ATP6V0E2: variants seen among roughly 807,000 people sequenced by gnomAD.
ATP6V0E2 encodes ATPase H+ transporting V0 subunit e2.
ATP6V0E2 carries 4 observed loss-of-function variants against 11.5 expected under a neutral mutation model. That is an observed-to-expected ratio of 0.35 (90% CI 0.17 to 0.80). The LOEUF (loss-of-function observed/expected upper bound fraction) is 0.80. Ranked by LOEUF, ATP6V0E2 falls within the 30% of genes least tolerant of loss-of-function variation. ATP6V0E2 has a pLI of 0.53. For missense variants in ATP6V0E2, 93 were observed against 113.5 expected (o/e 0.82, Z 0.82); for synonymous variants, 52 against 51.0 (o/e 1.02, Z -0.09).
rs1802986505 is a variant in ATP6V0E2 at position 149,874,091 on chromosome 7, C to G, written c.26C>G (p.Pro9Arg). 6.5e-7 allele frequency: 1 copy of G among 1,550,036 alleles called. No homozygotes were observed. Among genetic ancestry groups the G allele is most frequent in the Non-Finnish European group, 8.7e-7 (1 of 1,146,646 alleles). Residue 9 changes from proline (P) to arginine (R), a missense_variant, in exon 1 of 4, where the codon CCG (proline) becomes CGG (arginine). Physicochemically the swap from Pro to Arg is moderately radical, Grantham distance 103. Coordinates refer to ENST00000425642, the MANE Select transcript of ATP6V0E2 (RefSeq NM_145230.4). Reference protein sequence around the residue: MTAHSFALPVIIFTTFWGL... With the variant: MTAHSFALRVIIFTTFWGL... ...ATGACGGCGCACTCATTCGCCCTCC[C>G]GGTCATCATCTTCACCACGTTCTGG...
Position 149,874,136 on chromosome 7 carries a change from G to A in ATP6V0E2, c.71G>A (p.Gly24Glu). ...TTFWGLVGIA[G>E]PWFVPKGPNR... is the part of the protein sequence containing the mutation. ...TTCTGGGGCCTCGTCGGCATCGCCGGGCCCTGGTTCGTGCCGAAGGGACCC... is the reference window on the plus strand; with the variant it reads ...TTCTGGGGCCTCGTCGGCATCGCCGAGCCCTGGTTCGTGCCGAAGGGACCC... The change falls in exon 1 of 4, where the codon GGG becomes GAG. Residue 24 changes from glycine (G) to glutamate (E), a missense_variant. By Grantham distance (98) the Gly-to-Glu change is moderately conservative. Coordinates refer to ENST00000425642, the MANE Select transcript of ATP6V0E2 (RefSeq NM_145230.4). The A allele has an allele frequency of 6.5e-7, 1 of 1,549,814 alleles. No individual in the cohort carries two copies. Among genetic ancestry groups the A allele is most frequent in the Non-Finnish European group, 8.7e-7 (1 of 1,146,538 alleles).
chr7:149,878,168 A>C (rs1803251413), intron 2 of ATP6V0E2, among the ~76,000 whole-genome samples: 1 of 152,198 alleles, frequency 6.6e-6, no homozygotes, highest in Non-Finnish European at 1.5e-5. Context: ...CAGGTCCCTG[A>C]GGGTTTTCTG....
chr7:149,874,001 G>T lies in ATP6V0E2; in HGVS notation c.-65G>T, dbSNP rs1802975746. Reference sequence around the variant, plus strand: ...ATGCTCAGCGCGCTGCCCGGCTGGGGACCCGCGCACCTGCAGCGCCCGCTG... The same window carrying T: ...ATGCTCAGCGCGCTGCCCGGCTGGGTACCCGCGCACCTGCAGCGCCCGCTG... On this transcript the variant is annotated 5_prime_UTR_variant, in exon 1 of 4. Coordinates refer to ENST00000425642, the MANE Select transcript of ATP6V0E2 (RefSeq NM_145230.4). 4 of 1,545,712 alleles carry T rather than the reference G, an allele frequency of 2.6e-6. No individual in the cohort carries two copies. Among genetic ancestry groups the T allele is most frequent in the Non-Finnish European group, 1.7e-6 (2 of 1,145,692 alleles).
rs7799802 is a variant in ATP6V0E2 at position 149,880,241 on chromosome 7, G to A, written c.*926G>A. 10,776 of 153,230 alleles carry A rather than the reference G, an allele frequency of 0.07. 620 individuals carry two copies. The highest frequency in any genetic ancestry group is 0.16 in the African/African-American group (6,797 of 41,574). The allele number at this position is 153,230 out of a possible 1,614,324, so 9.5% of individuals were successfully genotyped here. On this transcript the variant is annotated 3_prime_UTR_variant, in exon 4 of 4. Transcript: ENST00000425642. Reference sequence around the variant, plus strand: ...CCCTGGCCCTGGGCTCTGTGCTAGGGATGGTGAAGAATGGGGGCGTGCCAG... The same window carrying A: ...CCCTGGCCCTGGGCTCTGTGCTAGGAATGGTGAAGAATGGGGGCGTGCCAG...
rs376165457 is a variant in ATP6V0E2 at position 149,879,005 on chromosome 7, T to G, written c.*19+215T>G. 163 of 167,288 alleles carry G rather than the reference T, an allele frequency of 9.7e-4. 1 individual carries two copies. The highest frequency in any genetic ancestry group is 1.8e-3 in the South Asian group (19 of 10,356). The allele number at this position is 167,288 out of a possible 1,614,324, so 10.4% of individuals were successfully genotyped here. On this transcript the variant is annotated intron_variant, in intron 3 of 3. Transcript: ENST00000425642. ...CTTCTGGGTTTGGTTTTGATTTCATTTGGTTAGAGTTCTTGTTGGGATTCA... is the reference window on the plus strand; with the variant it reads ...CTTCTGGGTTTGGTTTTGATTTCATGTGGTTAGAGTTCTTGTTGGGATTCA...
intron 1 of ATP6V0E2, 47 bp from the exon 2 acceptor site, chr7:149,875,551 G>T: frequency 6.2e-7 from 1 of 1,605,660 alleles, no homozygotes. Context: ...CAGGCCTTGT[G>T]AGGTGCTGGC....
chr7:149,878,421 C>A (rs1563137816), intron 2 of ATP6V0E2, among the ~76,000 whole-genome samples: 1 of 152,134 alleles, frequency 6.6e-6, no homozygotes, highest in Non-Finnish European at 1.5e-5. Context: ...CTTCTCTAAC[C>A]CCAGGTTCAG....
chr7:149,873,712 G>A, upstream of ATP6V0E2: 1 of 628,608 alleles, frequency 1.6e-6, no homozygotes, highest in East Asian at 3.3e-5. Flanking sequence ...GGGACCCCAA[G>A]CTCCAGGGGT....
intron 2 of ATP6V0E2, 80 bp downstream of exon 2, chr7:149,875,725 C>T (rs1224482883): frequency 8.7e-6 from 12 of 1,385,242 alleles, no homozygotes; most frequent in Non-Finnish European, 1.2e-5. Flanking sequence ...GCCTGCTCTT[C>T]CTTCTGTCCT....
In ATP6V0E2 at chr7:149,879,371, C is replaced by A; in HGVS notation, c.*56C>A. On this transcript the variant is annotated 3_prime_UTR_variant, in exon 4 of 4. Coordinates refer to ENST00000425642, the MANE Select transcript of ATP6V0E2 (RefSeq NM_145230.4). ...TCGGAATGACTGTGGCTCCACTGTC[C>A]CTGACAACCCCTTCGTCCGGACCCT... The A allele has an allele frequency of 1.3e-6, 2 of 1,576,448 alleles. No individual in the cohort carries two copies. The highest frequency in any genetic ancestry group is 1.7e-6 in the Non-Finnish European group (2 of 1,161,284).
chr7:149,878,021 G>A (rs963125077), intron 2 of ATP6V0E2, among the ~76,000 whole-genome samples: 1 of 152,320 alleles, frequency 6.6e-6, no homozygotes, highest in South Asian at 2.1e-4. Context: ...GGATGTGGTC[G>A]TGGGGGGCCC....
upstream of ATP6V0E2, chr7:149,873,933 C>T: frequency 6.5e-7 from 1 of 1,531,708 alleles, no homozygotes. Flanking sequence ...GCGTGCGCGG[C>T]CCGGCCCGGC....
intron 2 of ATP6V0E2, chr7:149,876,108 C>T (rs1286203362): frequency 2.0e-5 from 9 of 456,594 alleles, no homozygotes; most frequent in East Asian, 1.4e-4. Context: ...CCAGACGTGG[C>T]GGCTCACGCC....
At position 149,879,508 on chromosome 7, in the gene ATP6V0E2, G is replaced by T; in HGVS notation, c.*193G>T. 6.3e-7 allele frequency: 1 copy of T among 1,589,086 alleles called. No individual in the cohort carries two copies. Among genetic ancestry groups the T allele is most frequent in the Non-Finnish European group, 8.6e-7 (1 of 1,167,920 alleles). The stretch of plus-strand genomic sequence containing the variant: ...TCTTCCCAGTCTTCCCAGCCAGCCC[G>T]GGCCCTGGGGAGCCCTGGGCACAGC... On this transcript the variant is annotated 3_prime_UTR_variant, in exon 4 of 4. Coordinates refer to ENST00000425642, the MANE Select transcript of ATP6V0E2 (RefSeq NM_145230.4).
In ATP6V0E2 at chr7:149,873,975, C is replaced by G; in HGVS notation, c.-91C>G. On this transcript the variant is annotated 5_prime_UTR_variant, in exon 1 of 4. Transcript: ENST00000425642. ...CTTCGGGTGCTCGACTCCTGTTGCGCATGCTCAGCGCGCTGCCCGGCTGGG... is the reference window on the plus strand; with the variant it reads ...CTTCGGGTGCTCGACTCCTGTTGCGGATGCTCAGCGCGCTGCCCGGCTGGG... The G allele has an allele frequency of 1.3e-6, 2 of 1,545,690 alleles. No homozygotes were observed. The highest frequency in any genetic ancestry group is 1.7e-6 in the Non-Finnish European group (2 of 1,146,884).
intron 2 of ATP6V0E2, among the ~76,000 whole-genome samples, chr7:149,877,375 T>C (rs929079494): frequency 6.6e-6 from 1 of 152,068 alleles, no homozygotes; most frequent in African/African-American, 2.4e-5. Context: ...TAGGACAGGG[T>C]CTTGCCATGT....
intron 1 of ATP6V0E2, 35 bp from the exon 2 acceptor site, chr7:149,875,563 G>A: frequency 6.2e-7 from 1 of 1,612,668 alleles, no homozygotes; most frequent in Non-Finnish European, 8.5e-7. Flanking sequence ...GGTGCTGGCT[G>A]CATTTGTTCT....
chr7:149,877,831 A>G (rs1475753005), intron 2 of ATP6V0E2, among the ~76,000 whole-genome samples: 1 of 152,258 alleles, frequency 6.6e-6, no homozygotes, highest in African/African-American at 2.4e-5. Context: ...AGGTGGGGTC[A>G]TTCTAAGAAA....
rs774125849 is a variant in ATP6V0E2, at chr7:149,879,417, G to A, written c.*102G>A. The A allele has an allele frequency of 6.2e-7, 1 of 1,605,000 alleles. No individual in the cohort carries two copies. The highest frequency in any genetic ancestry group is 1.1e-5 in the South Asian group (1 of 89,144). On this transcript the variant is annotated 3_prime_UTR_variant, in exon 4 of 4. Coordinates refer to ENST00000425642, the MANE Select transcript of ATP6V0E2 (RefSeq NM_145230.4). The stretch of plus-strand genomic sequence containing the variant: ...ACCCTCCCCCACACAACTATGTCTG[G>A]TCACCAGCTCCCTCCTGCTGGCACC...
Sources: gnomAD v4.1 joint callset for allele counts (sites outside exome capture counted in the v4.1 genomes callset) on GRCh38, gnomAD v4.1.1 for gene constraint, MANE v1.5 for transcripts, NCBI Gene and HGNC (gene_info 2026-07-23, HGNC 2026-07-21) for gene names.